The following ACOT6 variants were observed in gnomAD, a reference collection of about 807,000 sequenced individuals.
ACOT6 encodes the protein acyl-CoA thioesterase 6, also known as acyl-coenzyme A thioesterase 6.
In ACOT6, 14 loss-of-function variants were observed where a neutral mutation model predicts 12.3. The ratio of observed to expected loss-of-function variants is 1.14; its 90% CI spans 0.75 to 1.78. The LOEUF (loss-of-function observed/expected upper bound fraction) is 1.78. Among genes scored for constraint, ACOT6 ranks in the 40% most tolerant of loss-of-function variants. ACOT6 has a pLI of 0.00. For synonymous variants in ACOT6, 218 were observed against 231.3 expected (o/e 0.94, Z 0.52); for missense variants, 523 against 551.8 (o/e 0.95, Z 0.52).
chr14:73,613,179 C>T (rs888989986), intron 1 of ACOT6, 147 bp downstream of exon 1: 21 of 459,214 alleles, frequency 4.6e-5, no homozygotes, highest in Admixed American at 1.8e-4. Context: ...CCGCTGTTGC[C>T]CAGGCTGGAG....
At chr14:73,616,313 A>ATAT (rs529742212) in intron 1 of ACOT6, among the ~76,000 whole-genome samples, 12 of 151,494 alleles carry the variant, frequency 7.9e-5, no homozygotes, top group South Asian at 2.1e-4. Context: ...TGTGAAAATA[A>ATAT]TATTATTATT....
Position 73,612,746 on chromosome 14 carries a change from G to A in ACOT6, c.175G>A (p.Glu59Lys), listed in dbSNP as rs977571593. 7 of 1,370,652 alleles carry A rather than the reference G, an allele frequency of 5.1e-6. No individual in the cohort carries two copies. In the African/African-American group the frequency reaches 1.1e-4, roughly 21 times the overall value. 84.9% of individuals were successfully genotyped at this position (1,370,652 alleles called of 1,614,324 possible). A position where few individuals can be genotyped will look rare whatever the true frequency, so the allele number is the denominator to read the frequency against. The part of the protein sequence containing the change: ...HARYRADARD[E>K]LDLERAPALG... ...GCGCTACCGTGCCGACGCCCGCGAC[G>A]AGCTGGACCTGGAGCGCGCGCCCGC... The change falls in exon 1 of 3, where the codon GAG becomes AAG. Residue 59 changes from glutamate (E) to lysine (K), a missense_variant. Physicochemically the swap from Glu to Lys is moderately conservative, Grantham distance 56 (BLOSUM62 1). Coordinates refer to ENST00000645972, the MANE Select transcript of ACOT6 (RefSeq NM_001365788.1).
upstream of ACOT6, chr14:73,611,619 T>A (rs1311357218): frequency 6.6e-6 from 1 of 152,218 alleles, no homozygotes; most frequent in African/African-American, 2.4e-5. Flanking sequence ...AACAAAACTT[T>A]CACTGGGTAC....
chr14:73,617,341 A>G (rs1317097655), intron 2 of ACOT6, 149 bp downstream of exon 2: 3 of 1,097,550 alleles, frequency 2.7e-6, no homozygotes, highest in Non-Finnish European at 4.1e-6. Flanking sequence ...GAAGCTGGGC[A>G]TGGTGATGTG....
chr14:73,616,589 G>A (rs958128408), intron 1 of ACOT6: 2 of 152,962 alleles, frequency 1.3e-5, no homozygotes, highest in Admixed American at 6.5e-5. Context: ...CAGATACTTG[G>A]GGGGCTGAGG....
At chr14:73,616,260 A>C (rs9323590) in intron 1 of ACOT6, among the ~76,000 whole-genome samples, 1 of 151,846 alleles carries the variant, frequency 6.6e-6, no homozygotes, top group Non-Finnish European at 1.5e-5. Context: ...GAACCACCAC[A>C]CCTGGCCTCA....
chr14:73,618,190 A>G (rs1890572148), intron 2 of ACOT6, among the ~76,000 whole-genome samples: 1 of 152,186 alleles, frequency 6.6e-6, no homozygotes, highest in African/African-American at 2.4e-5. Context: ...TGGTATAATT[A>G]AAAATGGAAT....
At position 73,617,030 on chromosome 14, in the gene ACOT6, C is replaced by A; in HGVS notation, c.498C>A (p.Ser166Arg). 1.1e-6 allele frequency: 1 copy of A among 907,254 alleles called. No individual in the cohort carries two copies. The highest frequency in any genetic ancestry group is 1.8e-6 in the Non-Finnish European group (1 of 550,544). The allele number at this position is 907,254 out of a possible 1,614,324, so 56.2% of individuals were successfully genotyped here. Residue 166 changes from serine (S) to arginine (R), a missense_variant, in exon 2 of 3, where the codon AGC becomes AGA. Around this residue, in one of 2 missense-constraint regions of ACOT6, gnomAD observed 304 missense variants for 274.8 expected, o/e 1.11. Coordinates refer to ENST00000645972, the MANE Select transcript of ACOT6 (RefSeq NM_001365788.1). ...CTGGGATCATTGATCTGTTTGGGAG[C>A]AGCAGGGGCCTTTGTGAATACAGGG... ...PFPGIIDLFG[S>R]SRGLCEYRAS...
chr14:73,612,345 T>C (rs1459609557), upstream of ACOT6, among the ~76,000 whole-genome samples: 2 of 152,168 alleles, frequency 1.3e-5, no homozygotes, highest in African/African-American at 4.8e-5. Context: ...CCCGGCCGGA[T>C]TGGTCATTAA....
Position 73,617,192 on chromosome 14 carries a change from GGTGC to G in ACOT6, c.660+3_660+6del. The G allele has an allele frequency of 6.2e-7, 1 of 1,614,184 alleles. No homozygotes were observed. The highest frequency in any genetic ancestry group is 8.5e-7 in the Non-Finnish European group (1 of 1,180,040). On this transcript the variant is annotated splice_donor_variant and splice_donor_region_variant and intron_variant, in intron 2 of 2. Transcript: ENST00000645972. LOFTEE classifies it high-confidence loss of function. ...TGGACTTTATGCTGCAGCATCCAAAGGTGCGTTCTGGTGATCACCTGAGTGCAGA... is the reference window on the plus strand; with the variant it reads ...TGGACTTTATGCTGCAGCATCCAAAGGTTCTGGTGATCACCTGAGTGCAGA...
upstream of ACOT6, chr14:73,611,507 A>G (rs1440920259): frequency 6.6e-6 from 1 of 152,168 alleles, no homozygotes; most frequent in African/African-American, 2.4e-5. Context: ...ACTCTCCTCA[A>G]TTACACAGGC....
intron 2 of ACOT6, 59 bp downstream of exon 2, chr14:73,617,251 A>C (rs1445931579): frequency 1.9e-6 from 3 of 1,602,872 alleles, no homozygotes; most frequent in Non-Finnish European, 2.6e-6. Flanking sequence ...TGCAGGGCTG[A>C]ATCCAAAAGC....
upstream of ACOT6, among the ~76,000 whole-genome samples, chr14:73,611,895 C>T (rs1890449440): frequency 6.6e-6 from 1 of 152,076 alleles, no homozygotes; most frequent in Non-Finnish European, 1.5e-5. Flanking sequence ...CCATGTTTCT[C>T]CAAGGGGTCA....
At chr14:73,614,963 G>T (rs1422250091) in intron 1 of ACOT6, among the ~76,000 whole-genome samples, 1 of 151,182 alleles carries the variant, frequency 6.6e-6, no homozygotes, top group African/African-American at 2.4e-5. Flanking sequence ...CGGGCATGGT[G>T]GTGGGTGCCT....
Position 73,612,750 on chromosome 14 carries a change from T to C in ACOT6, c.179T>C (p.Leu60Pro), listed in dbSNP as rs1294414246. 1.5e-6 allele frequency: 2 copies of C among 1,374,174 alleles called. No homozygotes were observed. The highest frequency in any genetic ancestry group is 1.7e-5 in the South Asian group (1 of 57,938). The allele number at this position is 1,374,174 out of a possible 1,614,324, so 85.1% of individuals were successfully genotyped here. The stretch of plus-strand genomic sequence containing the variant: ...TACCGTGCCGACGCCCGCGACGAGC[T>C]GGACCTGGAGCGCGCGCCCGCGCTG... ...ARYRADARDE[L>P]DLERAPALGG... The change falls in exon 1 of 3, where the codon CTG becomes CCG. Residue 60 changes from leucine to proline, a missense_variant. Coordinates refer to ENST00000645972, the MANE Select transcript of ACOT6 (RefSeq NM_001365788.1).
In ACOT6 at chr14:73,619,252, G is replaced by A. The variant is rs777656695; in HGVS notation, c.679G>A (p.Ala227Thr). 6 of 1,590,250 alleles carry A rather than the reference G, an allele frequency of 3.8e-6. No homozygotes were observed. Among genetic ancestry groups the A allele is most frequent in the Non-Finnish European group, 4.3e-6 (5 of 1,171,764 alleles). The change falls in exon 3 of 3, where the codon GCG (alanine) becomes ACG (threonine). Residue 227 changes from alanine to threonine, a missense_variant. Ala to Thr is a moderately conservative substitution (Grantham distance 58). This residue lies in a region of ACOT6 where 219 missense variants were observed against 277.0 expected (regional missense o/e 0.79). Coordinates refer to ENST00000645972, the MANE Select transcript of ACOT6 (RefSeq NM_001365788.1). ...TCAACAGGTGAAAGGTCCTAGTATT[G>A]CGCTTCTTGGATTTTCCAAAGGAGG... ...QHPKVKGPSI[A>T]LLGFSKGGDL...
rs1208984290 is a variant in ACOT6 at position 73,615,401 on chromosome 14, AAAAAAAC to A, written c.462-1579_462-1573del. Among the ~76,000 whole-genome samples the A allele has an allele frequency of 4.1e-4, 38 of 93,650 alleles. 1 individual carries two copies. The highest frequency in any genetic ancestry group is 9.0e-4 in the African/African-American group (28 of 31,000). 61.4% of individuals were successfully genotyped at this position (93,650 alleles called of 152,430 possible). A position where few individuals can be genotyped will look rare whatever the true frequency, so the allele number is the denominator to read the frequency against. On this transcript the variant is annotated intron_variant, in intron 1 of 2. Coordinates refer to ENST00000645972, the MANE Select transcript of ACOT6 (RefSeq NM_001365788.1). ...GACTCTGTCTGATAAAAAAAAAAAA[AAAAAAAC>A]AAAAAACAAAAAAAACCAGCAACAA...
At chr14:73,618,986 C>T (rs1211600732) in intron 2 of ACOT6, among the ~76,000 whole-genome samples, 6 of 151,914 alleles carry the variant, frequency 3.9e-5, no homozygotes, top group African/African-American at 1.2e-4. Context: ...AAAAATTAGC[C>T]GGGCGTGGTG....
At chr14:73,618,457 G>C (rs1200936052) in intron 2 of ACOT6, among the ~76,000 whole-genome samples, 1 of 151,240 alleles carries the variant, frequency 6.6e-6, no homozygotes, top group Non-Finnish European at 1.5e-5. Flanking sequence ...GGCCCCTTAA[G>C]GTCCACGAAG....
Sources: gnomAD v4.1 joint callset for allele counts (sites outside exome capture counted in the v4.1 genomes callset) on GRCh38, gnomAD v4.1.1 for gene constraint, gnomAD v4.1.1 regional missense constraint, MANE v1.5 for transcripts, NCBI Gene and HGNC (gene_info 2026-07-23, HGNC 2026-07-21) for gene names.